TASOR: variants seen among roughly 807,000 people sequenced by gnomAD.
TASOR encodes the protein protein TASOR.
Under a neutral mutation model 178.6 loss-of-function variants are expected in TASOR, and 53 were observed. That is an observed-to-expected ratio of 0.30 (90% CI 0.24 to 0.37). The LOEUF is 0.37. Ranked by LOEUF, TASOR falls within the 10% of genes least tolerant of loss-of-function variation. TASOR has a pLI of 1.00. For synonymous variants in TASOR, 713 were observed against 696.2 expected, an observed-to-expected ratio of 1.02 and a Z score of -0.38; for missense variants, 1,815 against 1,971.4, an observed-to-expected ratio of 0.92 and a Z score of 1.50.
Position 56,621,622 on chromosome 3 carries a change from T to C in TASOR, c.*1415A>G, listed in dbSNP as rs537375553. On this transcript the variant is annotated 3_prime_UTR_variant, in exon 24 of 24. Transcript: ENST00000683822. Reference sequence around the variant, plus strand: ...GAGTTTTGGTTCTTCATTTTAAATGTAGAAAATCAAATCCTTCACATTTGA... The same window carrying C: ...GAGTTTTGGTTCTTCATTTTAAATGCAGAAAATCAAATCCTTCACATTTGA... 19 of 1,579,496 alleles carry C rather than the reference T, an allele frequency of 1.2e-5. No homozygotes were observed. Among genetic ancestry groups the C allele is most frequent in the African/African-American group, 4.1e-5 (3 of 73,948 alleles).
chr3:56,626,958 A>T, intron 21 of TASOR, 79 bp downstream of exon 21: 1 of 886,762 alleles, frequency 1.1e-6, no homozygotes. Flanking sequence ...TCCATAATCT[A>T]CAAACATGGG....
chr3:56,641,546 G>C lies in TASOR; in HGVS notation c.2422C>G (p.Leu808Val). Residue 808 changes from leucine (L) to valine (V), a missense_variant, in exon 15 of 24, where the codon CTG becomes GTG. This residue lies in a region of TASOR where 655 missense variants were observed against 671.1 expected (regional missense o/e 0.98). Coordinates refer to ENST00000683822, the MANE Select transcript of TASOR (RefSeq NM_001365635.2). ...GLSTDDAYEE[L>V]RQKHEYELNS... Reference sequence around the variant, plus strand: ...AACTCATACTCATGTTTTTGCCTCAGCTCTTCATAGGCATCATCAGTGCTC... The same window carrying C: ...AACTCATACTCATGTTTTTGCCTCACCTCTTCATAGGCATCATCAGTGCTC... 1 of 1,614,078 alleles carries C rather than the reference G, an allele frequency of 6.2e-7. No individual in the cohort carries two copies. Among genetic ancestry groups the C allele is most frequent in the South Asian group, 1.1e-5 (1 of 91,082 alleles).
At chr3:56,671,980 T>G (rs7637301) in intron 2 of TASOR, among the ~76,000 whole-genome samples, 8,036 of 152,244 alleles carry the variant, frequency 0.053, 698 homozygotes, top group African/African-American at 0.18. Context: ...TTAATTATCT[T>G]TGTATCTTCC....
chr3:56,635,941 T>C (rs974508023), intron 17 of TASOR, among the ~76,000 whole-genome samples: 1 of 152,190 alleles, frequency 6.6e-6, no homozygotes, highest in Non-Finnish European at 1.5e-5. Flanking sequence ...ACCAAATAGA[T>C]CCCTTTATAA....
At chr3:56,682,655 G>C in intron 1 of TASOR, 21 bp downstream of exon 1, 1 of 1,446,324 alleles carries the variant, frequency 6.9e-7, no homozygotes, top group South Asian at 1.5e-5. Flanking sequence ...AGAGGGGGTT[G>C]AGAAGAAGGG....
At chr3:56,664,653 G>T (rs1056285281) in intron 7 of TASOR, among the ~76,000 whole-genome samples, 1 of 152,138 alleles carries the variant, frequency 6.6e-6, no homozygotes, top group Non-Finnish European at 1.5e-5. Context: ...TAAATTAATA[G>T]ATATCATACA....
chr3:56,678,259 G>A lies in TASOR; in HGVS notation c.331+4417C>T, dbSNP rs546682140. ...TGCAGTGGCGCGATCTTGGCTCACT[G>A]CAACTTCCACCTCCTGGGTTCAAGC... On this transcript the variant is annotated intron_variant, in intron 1 of 23. Coordinates refer to ENST00000683822, the MANE Select transcript of TASOR (RefSeq NM_001365635.2). Among the ~76,000 whole-genome samples the A allele has an allele frequency of 2.1e-3, 287 of 136,796 alleles. 10 individuals carry two copies. The South Asian group carries it at 0.06, about 28-fold the overall frequency. The allele number at this position is 136,796 out of a possible 152,430, so 89.7% of individuals were successfully genotyped here. A position where few individuals can be genotyped will look rare whatever the true frequency, so the allele number is the denominator to read the frequency against.
intron 13 of TASOR, among the ~76,000 whole-genome samples, chr3:56,648,490 A>G (rs923393135): frequency 6.6e-6 from 1 of 150,520 alleles, no homozygotes; most frequent in Non-Finnish European, 1.5e-5. Flanking sequence ...ATTAGCTGGG[A>G]GTGGTGGTAG....
At chr3:56,667,538 T>A (rs1468387173) in intron 6 of TASOR, among the ~76,000 whole-genome samples, 2 of 152,054 alleles carry the variant, frequency 1.3e-5, no homozygotes, top group African/African-American at 4.8e-5. Context: ...GTGCCTATAA[T>A]CCCAGCTACT....
chr3:56,641,821 T>C (rs2077131114), intron 14 of TASOR, 69 bp from the exon 15 acceptor site: 2 of 1,454,214 alleles, frequency 1.4e-6, no homozygotes, highest in Non-Finnish European at 1.8e-6. Flanking sequence ...AAATCAAATA[T>C]ACCTAAAAAA....
intron 11 of TASOR, among the ~76,000 whole-genome samples, chr3:56,659,195 T>C (rs1202861162): frequency 1.3e-5 from 2 of 152,176 alleles, no homozygotes; most frequent in Non-Finnish European, 2.9e-5. Flanking sequence ...AACTCAAAGA[T>C]ATTTGACTGC....
chr3:56,657,200 C>G (rs912644980), intron 11 of TASOR, among the ~76,000 whole-genome samples: 5 of 148,664 alleles, frequency 3.4e-5, no homozygotes, highest in Admixed American at 2.7e-4. Context: ...TGGTGGCAGG[C>G]GCCTGTAATC....
At chr3:56,673,029 T>C (rs2030888432) in intron 2 of TASOR, among the ~76,000 whole-genome samples, 1 of 152,046 alleles carries the variant, frequency 6.6e-6, no homozygotes, top group Non-Finnish European at 1.5e-5. Flanking sequence ...CAGGCTGGTC[T>C]CAAACCCCTG....
chr3:56,667,025 T>C (rs2030089000), intron 6 of TASOR, among the ~76,000 whole-genome samples: 1 of 152,206 alleles, frequency 6.6e-6, no homozygotes, highest in African/African-American at 2.4e-5. Context: ...CCTGGGAAAC[T>C]ATTGATTTCA....
At chr3:56,666,513 C>A (rs759173709) in intron 6 of TASOR, 129 bp from the exon 7 acceptor site, 12 of 564,176 alleles carry the variant, frequency 2.1e-5, no homozygotes, top group South Asian at 9.2e-5. Flanking sequence ...TTAAGCTCTG[C>A]GTGCCAATTT....
chr3:56,625,690 CTTT>C (rs879938687), intron 21 of TASOR, among the ~76,000 whole-genome samples: 1 of 146,656 alleles, frequency 6.8e-6, no homozygotes, highest in African/African-American at 2.5e-5. Flanking sequence ...TAAGCTATTT[CTTT>C]TTTTTTTTTG....
In TASOR at chr3:56,633,888, C is replaced by T; in HGVS notation, c.2903G>A (p.Arg968Lys). Residue 968 changes from arginine to lysine, a missense_variant, in exon 18 of 24, where the codon AGA (arginine) becomes AAA (lysine). Physicochemically the swap from Arg to Lys is conservative, Grantham distance 26. This residue lies in a region of TASOR where 655 missense variants were observed against 671.1 expected (regional missense o/e 0.98). Coordinates refer to ENST00000683822, the MANE Select transcript of TASOR (RefSeq NM_001365635.2). ...AFPNDPRVIN[R>K]QRSSDYQFPS... The stretch of plus-strand genomic sequence containing the variant: ...AAACTGGTAATCAGAACTTCTCTGT[C>T]TATTTATTACCCGGGGGTCGTTAGG... The T allele has an allele frequency of 6.3e-7, 1 of 1,596,384 alleles. No individual in the cohort carries two copies. Among genetic ancestry groups the T allele is most frequent in the Non-Finnish European group, 8.5e-7 (1 of 1,170,762 alleles).
intron 1 of TASOR, among the ~76,000 whole-genome samples, chr3:56,679,754 A>G (rs2031630151): frequency 6.6e-6 from 1 of 152,184 alleles, no homozygotes; most frequent in South Asian, 2.1e-4. Flanking sequence ...GCAATTACCA[A>G]TTTTAATTTA....
rs771749287 is a variant in TASOR, at chr3:56,624,963, A to G, written c.4183T>C (p.Tyr1395His). ...ATTTCAACCAGATGTTTCTTCTGAT[A>G]GACATTCAGAAGCGTCAACAGACTT... ...ALSLLTLLNV[Y>H]QKKHLVEILS... The change falls in exon 22 of 24, where the codon TAT (tyrosine) becomes CAT (histidine). Residue 1395 changes from tyrosine (Y) to histidine (H), a missense_variant. Physicochemically the swap from Tyr to His is moderately conservative, Grantham distance 83. Around this residue, in one of 5 missense-constraint regions of TASOR, gnomAD observed 134 missense variants for 195.2 expected, o/e 0.69. Coordinates refer to ENST00000683822, the MANE Select transcript of TASOR (RefSeq NM_001365635.2). 1.6e-5 allele frequency: 26 copies of G among 1,613,980 alleles called. No homozygotes were observed. The East Asian group carries it at 5.8e-4, about 36-fold the overall frequency.
Sources: allele counts gnomAD v4.1 joint callset (sites outside exome capture counted in the v4.1 genomes callset), GRCh38; gene constraint gnomAD v4.1.1; regional missense constraint gnomAD v4.1.1; transcripts MANE v1.5; gene names NCBI Gene and HGNC (gene_info 2026-07-23, HGNC 2026-07-21).